Variants in MYO1B observed in about 807,000 individuals in gnomAD.
MYO1B encodes the protein myosin IB.
Under a neutral mutation model 159.7 loss-of-function variants are expected in MYO1B, and 72 were observed. That is an observed-to-expected ratio of 0.45 (90% CI 0.37 to 0.55). The LOEUF (loss-of-function observed/expected upper bound fraction) is 0.55. MYO1B is among the 20% of genes least tolerant of loss of function. The probability of loss-of-function intolerance (pLI) is 0.00; values close to 1 mark genes in which losing one functional copy is unlikely to be tolerated. For missense variants in MYO1B, 1,062 were observed against 1,364.8 expected (o/e 0.78, Z 3.50); for synonymous variants, 468 against 473.8 (o/e 0.99, Z 0.16).
chr2:191,293,580 T>C (rs1688807152), intron 2 of MYO1B, among the ~76,000 whole-genome samples: 1 of 152,224 alleles, frequency 6.6e-6, no homozygotes, highest in Non-Finnish European at 1.5e-5. Context: ...TCAGATCATA[T>C]AGGGTACCTT....
intron 3 of MYO1B, among the ~76,000 whole-genome samples, chr2:191,301,272 GA>G (rs10708040): frequency 0.53 from 80,095 of 151,664 alleles, 21,855 homozygotes; most frequent in East Asian, 0.65. Flanking sequence ...GGACATTTCA[GA>G]AACATTTCAG....
intron 15 of MYO1B, among the ~76,000 whole-genome samples, chr2:191,383,604 A>T (rs1695227286): frequency 6.6e-6 from 1 of 150,512 alleles, no homozygotes; most frequent in South Asian, 2.1e-4. Context: ...TAGCCCTAAG[A>T]GATCATACAC....
intron 29 of MYO1B, 80 bp downstream of exon 29, chr2:191,414,749 G>C: frequency 6.8e-7 from 1 of 1,473,992 alleles, no homozygotes. Flanking sequence ...TAATCCTATC[G>C]CAGTTTATAT....
At chr2:191,382,396 A>T (rs1034895403) in intron 14 of MYO1B, among the ~76,000 whole-genome samples, 1 of 152,192 alleles carries the variant, frequency 6.6e-6, no homozygotes, top group African/African-American at 2.4e-5. Flanking sequence ...AAGCTAAATC[A>T]TAAATATTTC....
At chr2:191,268,761 C>T (rs1019824628) in intron 1 of MYO1B, among the ~76,000 whole-genome samples, 2 of 152,288 alleles carry the variant, frequency 1.3e-5, no homozygotes, top group African/African-American at 2.4e-5. Flanking sequence ...GAGCTCCATG[C>T]TCTGCTGCCC....
intron 27 of MYO1B, 49 bp downstream of exon 27, chr2:191,411,221 T>A: frequency 7.9e-7 from 1 of 1,263,646 alleles, no homozygotes. Flanking sequence ...TAAAAGTTTC[T>A]CAAGTATATT....
chr2:191,373,253 T>C (rs1042730712), intron 13 of MYO1B, among the ~76,000 whole-genome samples: 4 of 152,212 alleles, frequency 2.6e-5, no homozygotes, highest in African/African-American at 9.7e-5. Context: ...GGGGAGCTTT[T>C]GCAAATTCAG....
chr2:191,305,591 T>A (rs1408833182), intron 3 of MYO1B, among the ~76,000 whole-genome samples: 1 of 152,184 alleles, frequency 6.6e-6, no homozygotes, highest in Non-Finnish European at 1.5e-5. Flanking sequence ...AATACAAAGA[T>A]GAATTTTCCC....
chr2:191,309,937 G>C (rs774800591), intron 3 of MYO1B, among the ~76,000 whole-genome samples: 21 of 152,312 alleles, frequency 1.4e-4, no homozygotes, highest in Non-Finnish European at 2.6e-4. Context: ...TTAGAACAAT[G>C]CCTGGCGCAG....
intron 7 of MYO1B, among the ~76,000 whole-genome samples, chr2:191,357,535 A>G (rs1174472369): frequency 6.6e-6 from 1 of 152,220 alleles, no homozygotes; most frequent in Non-Finnish European, 1.5e-5. Flanking sequence ...AGGAGGATGT[A>G]GCTGCATTAG....
chr2:191,287,365 TAAAAATACA>T (rs957633841), intron 2 of MYO1B, among the ~76,000 whole-genome samples: 17 of 151,834 alleles, frequency 1.1e-4, no homozygotes, highest in Non-Finnish European at 2.2e-4. Flanking sequence ...ACCTCTCTAC[TAAAAATACA>T]AAAAAATTAG....
chr2:191,396,553 G>A, intron 21 of MYO1B, 56 bp downstream of exon 21: 1 of 1,565,048 alleles, frequency 6.4e-7, no homozygotes, highest in Non-Finnish European at 8.8e-7. Context: ...TTTTCACAAA[G>A]GATAATGTCT....
At chr2:191,419,854 T>C (rs139547906) in intron 30 of MYO1B, among the ~76,000 whole-genome samples, 14 of 152,128 alleles carry the variant, frequency 9.2e-5, no homozygotes, top group African/African-American at 3.4e-4. Flanking sequence ...AAAGAAAATA[T>C]TTTTGTACAG....
chr2:191,393,147 G>A lies in MYO1B; in HGVS notation c.2151G>A (p.Gly717=), dbSNP rs1413679638. The stretch of plus-strand genomic sequence containing the variant: ...CTCTCATTCAGAAGATATATCGGGG[G>A]TGGAAATGCCGCACACACTTCCTGC... ...LATLIQKIYR[G]WKCRTHFLLM... Residue 717 remains glycine (G), a synonymous_variant, in exon 20 of 31, where the codon GGG becomes GGA. Coordinates refer to ENST00000392318, the MANE Select transcript of MYO1B (RefSeq NM_001130158.3). The A allele has an allele frequency of 1.2e-6, 2 of 1,613,998 alleles. No individual in the cohort carries two copies. The highest frequency in any genetic ancestry group is 8.5e-7 in the Non-Finnish European group (1 of 1,179,968).
At chr2:191,414,835 A>G (rs1187105661) in intron 29 of MYO1B, among the ~76,000 whole-genome samples, 166 bp downstream of exon 29, 2 of 152,258 alleles carry the variant, frequency 1.3e-5, no homozygotes, top group Non-Finnish European at 2.9e-5. Flanking sequence ...CAGTAATTGA[A>G]TAAAGTTAAT....
At chr2:191,256,297 A>T (rs1686443446) in intron 1 of MYO1B, among the ~76,000 whole-genome samples, 1 of 151,998 alleles carries the variant, frequency 6.6e-6, no homozygotes, top group Non-Finnish European at 1.5e-5. Flanking sequence ...GTCTGCCTCC[A>T]TTTTCTCATC....
rs1698111868 is a variant in MYO1B at position 191,424,187 on chromosome 2, T to A, written c.*227T>A. The A allele has an allele frequency of 2.0e-6, 1 of 500,362 alleles. No homozygotes were observed. The highest frequency in any genetic ancestry group is 3.5e-6 in the Non-Finnish European group (1 of 286,466). The allele number at this position is 500,362 out of a possible 1,614,324, so 31.0% of individuals were successfully genotyped here. A position where few individuals can be genotyped will look rare whatever the true frequency, so the allele number is the denominator to read the frequency against. Reference sequence around the variant, plus strand: ...TTGTAGAAACTAACAGTGTCTATTTTCATGTCTGATGTGTTCTTCCTTTAG... The same window carrying A: ...TTGTAGAAACTAACAGTGTCTATTTACATGTCTGATGTGTTCTTCCTTTAG... On this transcript the variant is annotated 3_prime_UTR_variant, in exon 31 of 31. Coordinates refer to ENST00000392318, the MANE Select transcript of MYO1B (RefSeq NM_001130158.3).
At chr2:191,368,845 A>T (rs540540716) in intron 11 of MYO1B, among the ~76,000 whole-genome samples, 4 of 152,204 alleles carry the variant, frequency 2.6e-5, no homozygotes, top group African/African-American at 9.6e-5. Context: ...GTGGTGGCAC[A>T]CACGTGTAGT....
chr2:191,392,969 A>T lies in MYO1B; in HGVS notation c.2077-104A>T, dbSNP rs1695844378. On this transcript the variant is annotated intron_variant, in intron 19 of 30. Transcript: ENST00000392318. The stretch of plus-strand genomic sequence containing the variant: ...GTTTTTCAGTTCTTTTTTTCAATGT[A>T]ATTGACTCCAACATGATGGCATTTT... The T allele has an allele frequency of 3.1e-6, 3 of 966,456 alleles. No homozygotes were observed. The South Asian group carries it at 5.4e-5, about 17-fold the overall frequency. 59.9% of individuals were successfully genotyped at this position (966,456 alleles called of 1,614,324 possible). A position where few individuals can be genotyped will look rare whatever the true frequency, so the allele number is the denominator to read the frequency against.
Sources: allele counts gnomAD v4.1 joint callset (sites outside exome capture counted in the v4.1 genomes callset), GRCh38; gene constraint gnomAD v4.1.1; transcripts MANE v1.5; gene names NCBI Gene and HGNC (gene_info 2026-07-23, HGNC 2026-07-21).